The following NEGR1 variants were observed in gnomAD, a reference collection of about 807,000 sequenced individuals.
NEGR1 encodes neuronal growth regulator 1.
In NEGR1, 10 loss-of-function variants were observed where a neutral mutation model predicts 40.9. That is an observed-to-expected ratio of 0.24 (90% confidence interval 0.15 to 0.42). NEGR1 has a LOEUF of 0.42. NEGR1 is among the 10% of genes least tolerant of loss of function. The pLI is 1.00. For synonymous variants in NEGR1, 185 were observed against 166.8 expected (o/e 1.11, Z -0.84); for missense variants, 352 against 438.9 (o/e 0.80, Z 1.77).
At chr1:72,241,071 A>G (rs568919916) in intron 1 of NEGR1, among the ~76,000 whole-genome samples, 1 of 151,944 alleles carries the variant, frequency 6.6e-6, no homozygotes, top group South Asian at 2.1e-4. Flanking sequence ...TGTTTACAAA[A>G]GTGGTTTAAC....
chr1:71,928,586 C>T (rs1160572148), intron 2 of NEGR1, among the ~76,000 whole-genome samples: 2 of 144,958 alleles, frequency 1.4e-5, no homozygotes, highest in African/African-American at 2.5e-5. Flanking sequence ...ATTTTTTTTC[C>T]TGAGACAGCA....
At chr1:71,901,666 ATTT>A (rs33958971) in intron 2 of NEGR1, among the ~76,000 whole-genome samples, 4,839 of 115,792 alleles carry the variant, frequency 0.042, 109 homozygotes, top group African/African-American at 0.11. Flanking sequence ...TGAGATATAA[ATTT>A]TTTTTTTTTT....
chr1:72,152,225 A>T (rs1651152803), intron 1 of NEGR1, among the ~76,000 whole-genome samples: 1 of 151,968 alleles, frequency 6.6e-6, no homozygotes, highest in Admixed American at 6.6e-5. Context: ...TAAAATAATT[A>T]TACATTCAAA....
chr1:71,854,163 G>A (rs1021297964), intron 2 of NEGR1, among the ~76,000 whole-genome samples: 1 of 151,772 alleles, frequency 6.6e-6, no homozygotes, highest in East Asian at 1.9e-4. Context: ...TGTTCTCTTC[G>A]AAACTTTCCT....
intron 5 of NEGR1, among the ~76,000 whole-genome samples, chr1:71,595,899 A>G (rs1414838843): frequency 6.6e-6 from 1 of 152,136 alleles, no homozygotes; most frequent in Non-Finnish European, 1.5e-5. Flanking sequence ...AATTGATGAC[A>G]TGTTTTTCTT....
intron 1 of NEGR1, among the ~76,000 whole-genome samples, chr1:72,144,272 G>C (rs57316908): frequency 0.41 from 62,670 of 151,100 alleles, 14,150 homozygotes; most frequent in Admixed American, 0.55. Context: ...TTATTGATTA[G>C]CCAGGTTTGT....
At chr1:71,746,586 C>T (rs181147721) in intron 3 of NEGR1, among the ~76,000 whole-genome samples, 54 of 151,846 alleles carry the variant, frequency 3.6e-4, no homozygotes, top group African/African-American at 1.3e-3. Flanking sequence ...GTTAATTCTC[C>T]CTGGAAATTA....
chr1:72,066,232 G>A (rs1410019830), intron 1 of NEGR1, among the ~76,000 whole-genome samples: 1 of 152,042 alleles, frequency 6.6e-6, no homozygotes, highest in African/African-American at 2.4e-5. Flanking sequence ...TCTCTCAGCC[G>A]ATAAGTGGTG....
chr1:71,977,305 G>T (rs61765349), intron 1 of NEGR1, among the ~76,000 whole-genome samples: 36,736 of 151,350 alleles, frequency 0.24, 4,509 homozygotes, highest in Middle Eastern at 0.33. Context: ...CAGCCTGGAC[G>T]ATAGAGCAAG....
chr1:71,485,225 A>AT (rs5775066), intron 6 of NEGR1, among the ~76,000 whole-genome samples: 149,265 of 149,694 alleles, frequency 1, 74,421 homozygotes, highest in Middle Eastern at 1. Context: ...CTTTGGCCTT[A>AT]TTTTTTTTTA....
rs972989699 is a variant in NEGR1 at position 71,688,620 on chromosome 1, C to T, written c.667+9388G>A. ...TACAGGTGCACGCCACCATGCCCAA[C>T]TAATTTTTGTATCTTTAGTAGAGAC... On this transcript the variant is annotated intron_variant, in intron 4 of 6. Coordinates refer to ENST00000357731, the MANE Select transcript of NEGR1 (RefSeq NM_173808.3). Among the ~76,000 whole-genome samples, 132 of 151,604 alleles carry T rather than the reference C, an allele frequency of 8.7e-4. 2 individuals are homozygous for T. Among genetic ancestry groups the T allele is most frequent in the African/African-American group, 3.2e-3 (131 of 41,284 alleles).
chr1:72,025,514 T>G (rs938427883), intron 1 of NEGR1, among the ~76,000 whole-genome samples: 1 of 152,290 alleles, frequency 6.6e-6, no homozygotes, highest in East Asian at 1.9e-4. Flanking sequence ...AGGCACATAG[T>G]GCCTGGAAAT....
At chr1:71,563,277 CT>C (rs1478563683) in intron 6 of NEGR1, among the ~76,000 whole-genome samples, 3 of 151,958 alleles carry the variant, frequency 2.0e-5, no homozygotes, top group Non-Finnish European at 4.4e-5. Context: ...AAAGACACAT[CT>C]ATGAATTTTG....
chr1:71,618,983 A>T (rs1002288105), intron 4 of NEGR1, among the ~76,000 whole-genome samples: 5 of 152,068 alleles, frequency 3.3e-5, no homozygotes, highest in African/African-American at 1.2e-4. Context: ...TTTAAGGTGA[A>T]CTGTCATTAC....
At chr1:71,496,835 T>A (rs547958824) in intron 6 of NEGR1, among the ~76,000 whole-genome samples, 2 of 152,270 alleles carry the variant, frequency 1.3e-5, no homozygotes, top group East Asian at 1.9e-4. Flanking sequence ...ATCAATGGAA[T>A]AAGTGTGTAA....
At chr1:71,444,929 T>C (rs770905728) in intron 6 of NEGR1, among the ~76,000 whole-genome samples, 27 of 152,222 alleles carry the variant, frequency 1.8e-4, no homozygotes, top group Non-Finnish European at 3.2e-4. Context: ...TGCCAAGCAC[T>C]ATTCTAGACA....
chr1:71,906,608 A>T (rs143692295), intron 2 of NEGR1, among the ~76,000 whole-genome samples: 2,361 of 152,174 alleles, frequency 0.016, 47 homozygotes, highest in South Asian at 0.1. Context: ...CTGTGAATAA[A>T]TGATTTTGAT....
chr1:71,758,414 C>T (rs1655818012), intron 3 of NEGR1, among the ~76,000 whole-genome samples: 2 of 151,852 alleles, frequency 1.3e-5, no homozygotes, highest in African/African-American at 4.8e-5. Flanking sequence ...ATTGTAATTG[C>T]TTAAAACATG....
chr1:72,190,535 T>G (rs1652783782), intron 1 of NEGR1, among the ~76,000 whole-genome samples: 1 of 151,664 alleles, frequency 6.6e-6, no homozygotes, highest in Non-Finnish European at 1.5e-5. Flanking sequence ...GGAATAGTTG[T>G]TTATCAATCC....
Sources: allele counts gnomAD v4.1 joint callset (sites outside exome capture counted in the v4.1 genomes callset), GRCh38; gene constraint gnomAD v4.1.1; transcripts MANE v1.5; gene names NCBI Gene and HGNC (gene_info 2026-07-23, HGNC 2026-07-21).